The following ABCC9 variants were observed in gnomAD, a reference collection of about 807,000 sequenced individuals.
ABCC9 encodes the protein ATP binding cassette subfamily C member 9.
ABCC9 carries 95 observed loss-of-function variants against 188.3 expected under a neutral mutation model. The ratio of observed to expected loss-of-function variants is 0.50; its 90% CI spans 0.43 to 0.60. The LOEUF (loss-of-function observed/expected upper bound fraction) is 0.60. Ranked by LOEUF, ABCC9 falls within the 20% of genes least tolerant of loss-of-function variation. The pLI is 0.00. For synonymous variants in ABCC9, 659 were observed against 652.7 expected (o/e 1.01, Z -0.15); for missense variants, 1,102 against 1,876.3 (o/e 0.59, Z 7.62).
At chr12:21,922,883 T>C (rs1948886370) in intron 5 of ABCC9, 1 of 151,182 alleles carries the variant, frequency 6.6e-6, no homozygotes, top group Non-Finnish European at 1.5e-5. Flanking sequence ...AATTTATGAC[T>C]TCAAGAACTC....
intron 3 of ABCC9, among the ~76,000 whole-genome samples, chr12:21,935,671 G>A (rs1052992714): frequency 3.9e-5 from 6 of 152,102 alleles, no homozygotes; most frequent in Non-Finnish European, 5.9e-5. Flanking sequence ...AGATAGGAAC[G>A]TAGGATATGG....
intron 19 of ABCC9, 93 bp from the exon 20 acceptor site, chr12:21,863,147 G>C: frequency 4.8e-6 from 4 of 827,340 alleles, no homozygotes; most frequent in Non-Finnish European, 7.8e-6. Context: ...AATAAAATTA[G>C]TAAACTATCT....
chr12:21,860,171 A>C (rs892582648), intron 21 of ABCC9, among the ~76,000 whole-genome samples: 15 of 152,088 alleles, frequency 9.9e-5, no homozygotes, highest in African/African-American at 3.6e-4. Context: ...AATTTCTCTT[A>C]TTCTTCATAG....
intron 15 of ABCC9, among the ~76,000 whole-genome samples, chr12:21,885,711 T>A (rs960495466): frequency 6.6e-6 from 1 of 152,154 alleles, no homozygotes; most frequent in African/African-American, 2.4e-5. Context: ...CTCCAGCATA[T>A]ATAAACATGG....
At chr12:21,900,776 A>G (rs547537328) in intron 12 of ABCC9, among the ~76,000 whole-genome samples, 2 of 152,284 alleles carry the variant, frequency 1.3e-5, no homozygotes, top group South Asian at 4.2e-4. Flanking sequence ...AAAGAAAAGA[A>G]CAAGCCTCCA....
intron 31 of ABCC9, among the ~76,000 whole-genome samples, chr12:21,820,513 T>G (rs535623024): frequency 6.6e-6 from 1 of 152,150 alleles, no homozygotes; most frequent in Non-Finnish European, 1.5e-5. Flanking sequence ...CCTATATATA[T>G]ATATAAAACC....
chr12:21,938,026 TCTTTC>T (rs1949561763), intron 2 of ABCC9: 1 of 152,214 alleles, frequency 6.6e-6, no homozygotes, highest in African/African-American at 2.4e-5. Context: ...ACCTTTTCTT[TCTTTC>T]CTTTCATTGA....
At chr12:21,903,750 A>T (rs1947888685) in intron 12 of ABCC9, among the ~76,000 whole-genome samples, 1 of 152,234 alleles carries the variant, frequency 6.6e-6, no homozygotes, top group African/African-American at 2.4e-5. Context: ...TTCAAGGAGA[A>T]CTACAAACCA....
chr12:21,905,533 C>T (rs970056969), intron 12 of ABCC9, among the ~76,000 whole-genome samples: 1 of 151,934 alleles, frequency 6.6e-6, no homozygotes, highest in Non-Finnish European at 1.5e-5. Context: ...AGAACGATGT[C>T]TTTTGTTTCC....
chr12:21,820,916 C>CT (rs1943001356), intron 31 of ABCC9, among the ~76,000 whole-genome samples: 2 of 152,164 alleles, frequency 1.3e-5, no homozygotes, highest in South Asian at 4.1e-4. Context: ...TGGTTATTGT[C>CT]TATCTACTCT....
At position 21,814,507 on chromosome 12, in the gene ABCC9, A is replaced by G. The variant is rs182689954; in HGVS notation, c.4102+137T>C. The G allele has an allele frequency of 9.2e-4, 673 of 731,820 alleles. 1 individual carries two copies. Among genetic ancestry groups the G allele is most frequent in the Non-Finnish European group, 1.0e-3 (409 of 410,260 alleles). The allele number at this position is 731,820 out of a possible 1,614,324, so 45.3% of individuals were successfully genotyped here. On this transcript the variant is annotated intron_variant, in intron 35 of 39. Coordinates refer to ENST00000261200, the MANE Select transcript of ABCC9 (RefSeq NM_020297.4). Reference sequence around the variant, plus strand: ...TTTACTTTTGAGCTGTTTATTTGGGATATCTGCCTTGAACCATGTGTAGAG... The same window carrying G: ...TTTACTTTTGAGCTGTTTATTTGGGGTATCTGCCTTGAACCATGTGTAGAG...
rs551684931 is a variant in ABCC9, at chr12:21,883,300, G to A, written c.1912-427C>T. Among the ~76,000 whole-genome samples the A allele has an allele frequency of 6.6e-5, 10 of 152,284 alleles. No homozygotes were observed. The East Asian group carries it at 1.9e-3, about 29-fold the overall frequency. On this transcript the variant is annotated intron_variant, in intron 15 of 39. Coordinates refer to ENST00000261200, the MANE Select transcript of ABCC9 (RefSeq NM_020297.4). ...CTGTTGCGGGAGGGACCTAGTGGGA[G>A]GTAATTGAATCATGGGTGTGGGGAT...
At chr12:21,827,758 T>C (rs1467726358) in intron 31 of ABCC9, among the ~76,000 whole-genome samples, 1 of 152,186 alleles carries the variant, frequency 6.6e-6, no homozygotes, top group Non-Finnish European at 1.5e-5. Context: ...CTGGAGGGAA[T>C]TTATCAGCAA....
At position 21,885,178 on chromosome 12, in the gene ABCC9, A is replaced by G. The variant is rs1287366292; in HGVS notation, c.1912-2305T>C. On this transcript the variant is annotated intron_variant, in intron 15 of 39. Coordinates refer to ENST00000261200, the MANE Select transcript of ABCC9 (RefSeq NM_020297.4). ...CAAAACCACTTAACTCTAAGCTTTT[A>G]CAGAATACATAGTATCTTAAGCACT... Among the ~76,000 whole-genome samples, 4 of 152,200 alleles carry G rather than the reference A, an allele frequency of 2.6e-5. No individual in the cohort carries two copies. The South Asian group carries it at 8.3e-4, about 31-fold the overall frequency.
intron 18 of ABCC9, among the ~76,000 whole-genome samples, chr12:21,868,960 G>T (rs1945924118): frequency 6.6e-6 from 1 of 152,070 alleles, no homozygotes; most frequent in Non-Finnish European, 1.5e-5. Flanking sequence ...AGTATCCTCT[G>T]AATCTTCTTG....
chr12:21,880,973 G>A (rs1946588691), intron 16 of ABCC9, among the ~76,000 whole-genome samples: 1 of 152,144 alleles, frequency 6.6e-6, no homozygotes, highest in Admixed American at 6.6e-5. Context: ...AGCAATGAGA[G>A]TGAATGGATT....
chr12:21,900,762 GT>G (rs975613524), intron 12 of ABCC9, among the ~76,000 whole-genome samples: 5 of 152,084 alleles, frequency 3.3e-5, no homozygotes, highest in Admixed American at 6.6e-5. Flanking sequence ...AGAAAAAAGA[GT>G]AAAAAGAAAA....
intron 24 of ABCC9, among the ~76,000 whole-genome samples, chr12:21,851,232 C>T (rs1048396365): frequency 3.3e-5 from 5 of 152,090 alleles, no homozygotes; most frequent in Non-Finnish European, 5.9e-5. Context: ...CAAAAATTTG[C>T]AAATTTAATT....
intron 7 of ABCC9, among the ~76,000 whole-genome samples, chr12:21,915,411 G>C (rs12822201): frequency 1.6e-5 from 2 of 123,694 alleles, no homozygotes; most frequent in Non-Finnish European, 3.3e-5. Flanking sequence ...TGTGTATATA[G>C]ACACGTGTAT....
Sources: allele counts gnomAD v4.1 joint callset (sites outside exome capture counted in the v4.1 genomes callset), GRCh38; gene constraint gnomAD v4.1.1; transcripts MANE v1.5; gene names NCBI Gene and HGNC (gene_info 2026-07-23, HGNC 2026-07-21).